PDE10A: variants seen among roughly 807,000 people sequenced by gnomAD.
The protein encoded by PDE10A is phosphodiesterase 10A, also known as cAMP and cAMP-inhibited cGMP 3',5'-cyclic phosphodiesterase 10A.
A neutral mutation model predicts 97.7 loss-of-function variants in PDE10A; 39 were observed. The observed-to-expected ratio is 0.40, with a 90% confidence interval of 0.31 to 0.52. PDE10A has a LOEUF of 0.52. Ranked by LOEUF, PDE10A falls within the 20% of genes least tolerant of loss-of-function variation. The probability of loss-of-function intolerance (pLI) is 0.56; values close to 1 mark genes in which losing one functional copy is unlikely to be tolerated. For synonymous variants in PDE10A, 371 were observed against 376.8 expected, an observed-to-expected ratio of 0.98 and a Z score of 0.18; for missense variants, 731 against 1,047.8, an observed-to-expected ratio of 0.70 and a Z score of 4.17.
chr6:165,458,701 G>A (rs1007451336), intron 3 of PDE10A, among the ~76,000 whole-genome samples: 17 of 151,736 alleles, frequency 1.1e-4, no homozygotes, highest in East Asian at 1.9e-4. Flanking sequence ...ACACACACAC[G>A]TTTTATAAAT....
At chr6:165,393,774 A>C (rs1284767329) in intron 15 of PDE10A, among the ~76,000 whole-genome samples, 1 of 152,198 alleles carries the variant, frequency 6.6e-6, no homozygotes, top group Non-Finnish European at 1.5e-5. Flanking sequence ...AGGCTCTATA[A>C]GACATTTAAT....
intron 10 of PDE10A, among the ~76,000 whole-genome samples, chr6:165,419,208 T>A (rs1788526035): frequency 6.6e-6 from 1 of 152,200 alleles, no homozygotes; most frequent in Admixed American, 6.5e-5. Flanking sequence ...CCACTCATTC[T>A]GATTAGTTGA....
intron 3 of PDE10A, among the ~76,000 whole-genome samples, chr6:165,459,194 C>A (rs1487581512): frequency 6.6e-6 from 1 of 152,140 alleles, no homozygotes; most frequent in Admixed American, 6.5e-5. Flanking sequence ...CCCTGACTTC[C>A]TCCATGTGAA....
intron 10 of PDE10A, among the ~76,000 whole-genome samples, chr6:165,427,308 C>T (rs1789236375): frequency 6.6e-6 from 1 of 152,058 alleles, no homozygotes; most frequent in Non-Finnish European, 1.5e-5. Flanking sequence ...GAGGTACTGA[C>T]CCATGCATAA....
chr6:165,700,867 C>A lies in PDE10A; in HGVS notation c.-614-157299G>T, dbSNP rs1230247616. 4.6e-5 allele frequency among the ~76,000 whole-genome samples: 7 copies of A among 152,118 alleles called. No individual in the cohort carries two copies. In the East Asian group the frequency reaches 1.3e-3, roughly 29 times the overall value. ...TATCATGCGGGTGATTTTATAGGTA[C>A]CAATGAGCAAAAGTAAGCCATTTGA... On this transcript the variant is annotated intron_variant, in intron 1 of 19. Coordinates refer to the PDE10A transcript ENST00000366882.
intron 2 of PDE10A, among the ~76,000 whole-genome samples, chr6:165,496,470 G>A (rs139704115): frequency 7.2e-5 from 11 of 152,244 alleles, no homozygotes; most frequent in African/African-American, 2.4e-4. Context: ...TTTTTAAAAT[G>A]AGATGATTTA....
chr6:165,561,671 G>A (rs1453626295), intron 1 of PDE10A, among the ~76,000 whole-genome samples: 1 of 152,136 alleles, frequency 6.6e-6, no homozygotes, highest in African/African-American at 2.4e-5. Flanking sequence ...CCAGTTATTG[G>A]TCCTAAAATA....
chr6:165,959,518 T>A (rs1364960285), intron 1 of PDE10A, among the ~76,000 whole-genome samples: 2 of 152,336 alleles, frequency 1.3e-5, no homozygotes, highest in East Asian at 3.9e-4. Context: ...AGATACATGA[T>A]CATCTAGTTT....
chr6:165,948,472 G>A (rs1027734279), intron 1 of PDE10A: 3 of 152,318 alleles, frequency 2.0e-5, no homozygotes, highest in East Asian at 1.9e-4. Context: ...ACCTCCCACC[G>A]GGAAGGCTCT....
chr6:165,840,103 T>C (rs895728706), intron 1 of PDE10A, among the ~76,000 whole-genome samples: 65 of 45,218 alleles, frequency 1.4e-3, no homozygotes, highest in African/African-American at 5.0e-3. Context: ...CCCATTCCCA[T>C]CTCCACCTTC....
intron 13 of PDE10A, among the ~76,000 whole-genome samples, chr6:165,400,687 C>T (rs2128220525): frequency 6.6e-6 from 1 of 152,230 alleles, no homozygotes; most frequent in Admixed American, 6.5e-5. Flanking sequence ...TCCCATGTTA[C>T]CCACCACTGC....
intron 2 of PDE10A, among the ~76,000 whole-genome samples, chr6:165,514,705 G>A (rs1275796689): frequency 2.0e-5 from 3 of 152,210 alleles, no homozygotes; most frequent in Non-Finnish European, 2.9e-5. Context: ...AGTTGAGTGA[G>A]TCCCTGCAAC....
chr6:165,432,161 A>C (rs1223736064), intron 7 of PDE10A, among the ~76,000 whole-genome samples: 1 of 152,226 alleles, frequency 6.6e-6, no homozygotes, highest in African/African-American at 2.4e-5. Context: ...AGGGAGAAGG[A>C]CAAGAAATGA....
At chr6:165,409,143 C>T (rs1475890746) in intron 13 of PDE10A, among the ~76,000 whole-genome samples, 6 of 123,704 alleles carry the variant, frequency 4.9e-5, no homozygotes, top group African/African-American at 1.6e-4. Context: ...CCAGCCTGGG[C>T]GACAGGGTGA....
At chr6:165,845,244 T>C (rs1583181145) in intron 1 of PDE10A, among the ~76,000 whole-genome samples, 2 of 151,630 alleles carry the variant, frequency 1.3e-5, no homozygotes, top group African/African-American at 4.8e-5. Flanking sequence ...ACTCCAGACA[T>C]GAAAGTGGGA....
chr6:165,480,475 A>G (rs1379588651), intron 3 of PDE10A, among the ~76,000 whole-genome samples: 2 of 152,104 alleles, frequency 1.3e-5, no homozygotes, highest in Non-Finnish European at 2.9e-5. Context: ...AGTCCCAGCT[A>G]TTTAGGAGGC....
intron 1 of PDE10A, among the ~76,000 whole-genome samples, chr6:165,790,461 T>C (rs1778616727): frequency 6.6e-6 from 1 of 152,198 alleles, no homozygotes; most frequent in Non-Finnish European, 1.5e-5. Context: ...AAAGTTTGGA[T>C]AAATATAAAA....
chr6:165,930,645 G>A (rs1301098658), intron 1 of PDE10A, among the ~76,000 whole-genome samples: 1 of 152,224 alleles, frequency 6.6e-6, no homozygotes, highest in Admixed American at 6.5e-5. Flanking sequence ...TTGCCCAAAG[G>A]CCGCTGATGA....
intron 1 of PDE10A, among the ~76,000 whole-genome samples, chr6:165,684,499 C>T (rs546453123): frequency 1.2e-4 from 18 of 152,336 alleles, no homozygotes; most frequent in East Asian, 3.9e-4. Flanking sequence ...GCTATGGTCG[C>T]GGCTGCCATC....
Sources: allele counts gnomAD v4.1 joint callset (sites outside exome capture counted in the v4.1 genomes callset), GRCh38; gene constraint gnomAD v4.1.1; transcripts MANE v1.5; gene names NCBI Gene and HGNC (gene_info 2026-07-23, HGNC 2026-07-21).